The following KHDRBS2 variants were observed in gnomAD, a reference collection of about 807,000 sequenced individuals.
The protein encoded by KHDRBS2 is KH domain-containing, RNA-binding, signal transduction-associated protein 2.
KHDRBS2 carries 26 observed loss-of-function variants against 44.3 expected under a neutral mutation model. The observed-to-expected ratio is 0.59, with a 90% CI of 0.43 to 0.81. The LOEUF (loss-of-function observed/expected upper bound fraction) is 0.81, where lower values mean the gene tolerates loss of function less well. KHDRBS2 is among the 40% of genes least tolerant of loss of function. The probability of loss-of-function intolerance (pLI) is 0.00; values close to 1 mark genes in which losing one functional copy is unlikely to be tolerated. For synonymous variants in KHDRBS2, 194 were observed against 151.1 expected (o/e 1.28, Z -2.08); for missense variants, 476 against 433.1 (o/e 1.10, Z -0.88).
intron 4 of KHDRBS2, among the ~76,000 whole-genome samples, chr6:61,954,863 C>T (rs796692400): frequency 1.1e-5 from 1 of 91,668 alleles, no homozygotes; most frequent in African/African-American, 4.0e-5. Flanking sequence ...TGTGTATATA[C>T]ACATACATAT....
chr6:62,213,112 C>T (rs1195579078), intron 1 of KHDRBS2, among the ~76,000 whole-genome samples: 2 of 152,064 alleles, frequency 1.3e-5, no homozygotes, highest in Non-Finnish European at 2.9e-5. Context: ...TGTAGGATTC[C>T]AGAAATAAAC....
chr6:61,627,785 A>T, the KHDRBS2 span, among the ~76,000 whole-genome samples: 6,700 of 152,208 alleles, frequency 0.044, 156 homozygotes, highest in East Asian at 0.085. Flanking sequence ...CTTGATTTTC[A>T]TCTCTTCTAA....
At chr6:61,759,277 A>G (rs1778935920) in intron 6 of KHDRBS2, among the ~76,000 whole-genome samples, 1 of 152,038 alleles carries the variant, frequency 6.6e-6, no homozygotes, top group African/African-American at 2.4e-5. Flanking sequence ...CGTACACCAA[A>G]GGTATTTATA....
At chr6:62,021,169 C>A (rs1782227785) in intron 3 of KHDRBS2, among the ~76,000 whole-genome samples, 1 of 151,806 alleles carries the variant, frequency 6.6e-6, no homozygotes, top group Non-Finnish European at 1.5e-5. Flanking sequence ...TTATTAAATC[C>A]AAATACCACA....
chr6:61,830,990 T>C (rs2127261949), intron 6 of KHDRBS2, among the ~76,000 whole-genome samples: 1 of 152,274 alleles, frequency 6.6e-6, no homozygotes, highest in East Asian at 1.9e-4. Flanking sequence ...TTTTCAGGTA[T>C]ATTAAGATAT....
chr6:62,055,677 G>C lies in KHDRBS2; in HGVS notation c.220-7683C>G, dbSNP rs116028562. Among the ~76,000 whole-genome samples the C allele has an allele frequency of 9.6e-3, 1,461 of 152,090 alleles. 20 individuals are homozygous for C. Among genetic ancestry groups the C allele is most frequent in the African/African-American group, 0.033 (1,370 of 41,524 alleles). ...ATGATAAATTCAAGAATAGTGTGTT[G>C]TCAACTCCACACCATAACCAGCATT... On this transcript the variant is annotated intron_variant, in intron 2 of 8. Transcript: ENST00000281156.
chr6:61,638,141 A>C, the KHDRBS2 span, among the ~76,000 whole-genome samples: 1 of 152,068 alleles, frequency 6.6e-6, no homozygotes, highest in Admixed American at 6.6e-5. Flanking sequence ...TTCTTCTCAG[A>C]ATTGGAGAAA....
At chr6:61,872,932 G>T (rs1432045612) in intron 6 of KHDRBS2, among the ~76,000 whole-genome samples, 2 of 152,090 alleles carry the variant, frequency 1.3e-5, no homozygotes, top group African/African-American at 4.8e-5. Flanking sequence ...ATAGGTGAAA[G>T]AATAGACTAA....
At chr6:61,945,127 A>ATATG (rs1813052632) in intron 4 of KHDRBS2, among the ~76,000 whole-genome samples, 1 of 89,116 alleles carries the variant, frequency 1.1e-5, no homozygotes, top group African/African-American at 4.2e-5. Context: ...ATATATATAT[A>ATATG]TATATATATA....
At chr6:61,678,618 G>A (rs1181317610), downstream of KHDRBS2, among the ~76,000 whole-genome samples, 1 of 151,840 alleles carries the variant, frequency 6.6e-6, no homozygotes, top group African/African-American at 2.4e-5. Context: ...TCATAGCAAA[G>A]AAAAAGGCAG....
rs1445904774 is a variant in KHDRBS2, at chr6:61,954,836, G to GTGTGTATATA, written c.483+23229_483+23230insTATATACACA. Among the ~76,000 whole-genome samples, 3 of 30,062 alleles carry GTGTGTATATA rather than the reference G, an allele frequency of 1.0e-4. 1 individual carries two copies. Among genetic ancestry groups the GTGTGTATATA allele is most frequent in the Admixed American group, 9.2e-4 (3 of 3,256 alleles). The allele number at this position is 30,062 out of a possible 152,430, so 19.7% of individuals were successfully genotyped here. On this transcript the variant is annotated intron_variant, in intron 4 of 8. Coordinates refer to ENST00000281156, the MANE Select transcript of KHDRBS2 (RefSeq NM_152688.4). ...CGCATGTGTATATACACATGCATAT[G>GTGTGTATATA]TATGTATACATATGCATGTGTATAT...
At chr6:61,979,846 G>A (rs1014546265) in intron 3 of KHDRBS2, among the ~76,000 whole-genome samples, 12 of 152,056 alleles carry the variant, frequency 7.9e-5, no homozygotes. Context: ...GCTGGTTTGG[G>A]CATACATGCT....
intron 6 of KHDRBS2, among the ~76,000 whole-genome samples, chr6:61,795,144 CAAAAAAAAAAAAAAA>C (rs1166333660): frequency 1.7e-5 from 1 of 59,670 alleles, no homozygotes; most frequent in Non-Finnish European, 3.2e-5. Context: ...GACTCCGTCT[CAAAAAAAAAAAAAAA>C]AAAAAAAAAA....
intron 1 of KHDRBS2, among the ~76,000 whole-genome samples, chr6:62,223,979 G>T (rs1257628896): frequency 6.6e-6 from 1 of 152,098 alleles, no homozygotes; most frequent in African/African-American, 2.4e-5. Flanking sequence ...CTGTTACCCA[G>T]TTCCAAAGCT....
intron 4 of KHDRBS2, among the ~76,000 whole-genome samples, chr6:61,967,806 TTCTC>T (rs557953853): frequency 2.1e-5 from 3 of 144,930 alleles, no homozygotes; most frequent in African/African-American, 7.5e-5. Context: ...AGAATCTCCC[TTCTC>T]TCTCTCTCTC....
intron 3 of KHDRBS2, among the ~76,000 whole-genome samples, chr6:62,005,132 T>C (rs1778979931): frequency 6.6e-6 from 1 of 152,140 alleles, no homozygotes; most frequent in African/African-American, 2.4e-5. Flanking sequence ...TTGGTGTATA[T>C]ATCATATTAA....
the KHDRBS2 span, among the ~76,000 whole-genome samples, chr6:61,601,115 C>T: frequency 6.0e-4 from 91 of 152,246 alleles, no homozygotes; most frequent in Middle Eastern, 0.01. Context: ...TGTGGGGATG[C>T]CTGCTTTGGC....
At chr6:61,778,305 G>A (rs544656630) in intron 6 of KHDRBS2, among the ~76,000 whole-genome samples, 1 of 152,188 alleles carries the variant, frequency 6.6e-6, no homozygotes, top group African/African-American at 2.4e-5. Flanking sequence ...TTATGCCTGG[G>A]ACTGTGCAAG....
At chr6:61,616,323 G>T in the KHDRBS2 span, among the ~76,000 whole-genome samples, 2 of 152,094 alleles carry the variant, frequency 1.3e-5, no homozygotes, top group African/African-American at 4.8e-5. Flanking sequence ...TAGTGCAATA[G>T]TTATTCTTGT....
Sources: allele counts gnomAD v4.1 joint callset (sites outside exome capture counted in the v4.1 genomes callset), GRCh38; gene constraint gnomAD v4.1.1; transcripts MANE v1.5; gene names NCBI Gene and HGNC (gene_info 2026-07-23, HGNC 2026-07-21).